The following IL19 variants were observed in gnomAD, a reference collection of about 807,000 sequenced individuals.
IL19 encodes interleukin 19.
In IL19, 15 loss-of-function variants were observed where a neutral mutation model predicts 19.5. The observed-to-expected ratio is 0.77, with a 90% CI of 0.52 to 1.19. The LOEUF (loss-of-function observed/expected upper bound fraction) is 1.19. IL19 is among the 50% of genes most tolerant of loss of function. The probability of loss-of-function intolerance (pLI) is 0.00; values close to 1 mark genes in which losing one functional copy is unlikely to be tolerated. For missense variants in IL19, 199 were observed against 213.1 expected (o/e 0.93, Z 0.41); for synonymous variants, 78 against 78.3 (o/e 1.00, Z 0.02).
At chr1:206,827,655 C>T (rs2883035) in intron 2 of IL19, among the ~76,000 whole-genome samples, 105,600 of 149,172 alleles carry the variant, frequency 0.71, 38,220 homozygotes, top group Non-Finnish European at 0.79. Context: ...CGTGCCACTG[C>T]ACTCCAGCCT....
At chr1:206,841,105 G>A in intron 6 of IL19, 27 bp downstream of exon 6, 1 of 1,587,206 alleles carries the variant, frequency 6.3e-7, no homozygotes, top group Non-Finnish European at 8.7e-7. Context: ...GGTTGGGGAA[G>A]ATGGAAGATG....
Position 206,834,408 on chromosome 1 carries a change from T to A in IL19, c.-2-2253T>A, listed in dbSNP as rs768831646. 540 of 985,532 alleles carry A rather than the reference T, an allele frequency of 5.5e-4. 1 individual carries two copies. Among genetic ancestry groups the A allele is most frequent in the Non-Finnish European group, 6.1e-4 (504 of 829,976 alleles). 61.0% of individuals were successfully genotyped at this position (985,532 alleles called of 1,614,324 possible). A position where few individuals can be genotyped will look rare whatever the true frequency, so the allele number is the denominator to read the frequency against. ...GCAAGCACCAAGTGAGAGGTGAGGC[T>A]CACGCTGTCCGTCATCAGGGGCTCC... On this transcript the variant is annotated intron_variant, in intron 2 of 6. Coordinates refer to ENST00000659997, the MANE Select transcript of IL19 (RefSeq NM_153758.5).
intron 2 of IL19, among the ~76,000 whole-genome samples, chr1:206,813,541 A>G (rs1212212213): frequency 6.6e-6 from 1 of 152,192 alleles, no homozygotes; most frequent in Non-Finnish European, 1.5e-5. Flanking sequence ...GACAACAAGC[A>G]CTGGCCAAGC....
intron 2 of IL19, among the ~76,000 whole-genome samples, chr1:206,836,176 C>G (rs949990181): frequency 2.6e-5 from 4 of 152,222 alleles, no homozygotes; most frequent in Non-Finnish European, 4.4e-5. Context: ...CAGATACACT[C>G]TTGAGGTTTA....
chr1:206,782,513 AC>A (rs1348680222), intron 1 of IL19, among the ~76,000 whole-genome samples: 13 of 152,184 alleles, frequency 8.5e-5, no homozygotes, highest in African/African-American at 3.1e-4. Context: ...CCCAAAGGGC[AC>A]CTGGCTTGGG....
chr1:206,823,550 T>TA (rs1005680500), intron 2 of IL19, among the ~76,000 whole-genome samples: 54 of 138,124 alleles, frequency 3.9e-4, no homozygotes, highest in East Asian at 8.2e-4. Context: ...AGACTCCGTC[T>TA]AAAAAAAAAA....
intron 2 of IL19, among the ~76,000 whole-genome samples, chr1:206,830,716 T>C (rs926210326): frequency 6.6e-6 from 1 of 152,060 alleles, no homozygotes; most frequent in South Asian, 2.1e-4. Flanking sequence ...GTAGCTGGAA[T>C]TACAGGTACT....
intron 2 of IL19, among the ~76,000 whole-genome samples, chr1:206,825,101 C>T (rs1018092613): frequency 6.6e-6 from 1 of 152,184 alleles, no homozygotes; most frequent in Non-Finnish European, 1.5e-5. Context: ...GGTTCATGGA[C>T]TCTTGAGGGG....
chr1:206,814,036 T>G (rs1257243928), intron 2 of IL19, among the ~76,000 whole-genome samples: 1 of 152,194 alleles, frequency 6.6e-6, no homozygotes, highest in Non-Finnish European at 1.5e-5. Flanking sequence ...ATAAATCTTT[T>G]TATATATAGT....
At chr1:206,798,261 G>A (rs1048189588) in intron 1 of IL19, among the ~76,000 whole-genome samples, 7 of 152,258 alleles carry the variant, frequency 4.6e-5, no homozygotes, top group South Asian at 2.1e-4. Context: ...CACCTGGCCC[G>A]TTGTTCCATC....
chr1:206,841,948 C>A (rs1279042313), intron 6 of IL19, among the ~76,000 whole-genome samples: 1 of 152,160 alleles, frequency 6.6e-6, no homozygotes, highest in East Asian at 1.9e-4. Context: ...TCCACGCTGG[C>A]TGGCTCTACA....
At chr1:206,814,188 C>T (rs987216094) in intron 2 of IL19, among the ~76,000 whole-genome samples, 5 of 151,862 alleles carry the variant, frequency 3.3e-5, no homozygotes, top group Admixed American at 2.0e-4. Context: ...AAGCAATGCA[C>T]AATTGGAAGT....
intron 2 of IL19, among the ~76,000 whole-genome samples, chr1:206,830,990 C>T (rs534660419): frequency 6.6e-6 from 1 of 152,304 alleles, no homozygotes; most frequent in South Asian, 2.1e-4. Context: ...AGATCTAATA[C>T]ATTTCATCTA....
intron 1 of IL19, among the ~76,000 whole-genome samples, chr1:206,794,472 T>A (rs1005019557): frequency 6.6e-6 from 1 of 152,174 alleles, no homozygotes; most frequent in Non-Finnish European, 1.5e-5. Flanking sequence ...CTCTTCCCAC[T>A]GTTCCAGCTC....
intron 2 of IL19, 31 bp from the exon 3 acceptor site, chr1:206,836,630 C>A (rs1483056412): frequency 6.3e-7 from 1 of 1,576,612 alleles, no homozygotes. Flanking sequence ...CCACTCTTGG[C>A]TGGACAGCTG....
intron 2 of IL19, among the ~76,000 whole-genome samples, chr1:206,830,799 G>A (rs898443762): frequency 3.3e-5 from 5 of 152,098 alleles, no homozygotes; most frequent in African/African-American, 1.2e-4. Context: ...GGATGGTCTC[G>A]ATCTCCTGAC....
chr1:206,837,411 G>A (rs1010431253), intron 4 of IL19, among the ~76,000 whole-genome samples: 2 of 152,160 alleles, frequency 1.3e-5, no homozygotes, highest in Admixed American at 1.3e-4. Flanking sequence ...GATAATGGGT[G>A]TAAGATCAGT....
chr1:206,805,639 A>G (rs1161472159), intron 2 of IL19, among the ~76,000 whole-genome samples: 1 of 152,248 alleles, frequency 6.6e-6, no homozygotes, highest in African/African-American at 2.4e-5. Context: ...ATTTCCTAGA[A>G]CACAAAAGCA....
At chr1:206,781,945 A>T (rs1347312137) in intron 1 of IL19, among the ~76,000 whole-genome samples, 2 of 65,154 alleles carry the variant, frequency 3.1e-5, no homozygotes, top group African/African-American at 1.3e-4. Context: ...ATATGTATAT[A>T]GTTATATATA....
Sources: gnomAD v4.1 joint callset for allele counts (sites outside exome capture counted in the v4.1 genomes callset) on GRCh38, gnomAD v4.1.1 for gene constraint, MANE v1.5 for transcripts, NCBI Gene and HGNC (gene_info 2026-07-23, HGNC 2026-07-21) for gene names.